SLC5A8: variants seen among roughly 807,000 people sequenced by gnomAD.
SLC5A8 encodes the protein solute carrier family 5 member 8, also known as sodium-coupled monocarboxylate transporter 1.
Under a neutral mutation model 71.9 loss-of-function variants are expected in SLC5A8, and 55 were observed. The ratio of observed to expected loss-of-function variants is 0.77; its 90% CI spans 0.62 to 0.96. The LOEUF is 0.96. SLC5A8 is among the 40% of genes least tolerant of loss of function. SLC5A8 has a pLI of 0.00. For synonymous variants in SLC5A8, 307 were observed against 276.1 expected (o/e 1.11, Z -1.11); for missense variants, 701 against 745.3 (o/e 0.94, Z 0.69).
At chr12:101,160,197 A>G (rs2051711580) in intron 13 of SLC5A8, among the ~76,000 whole-genome samples, 1 of 152,146 alleles carries the variant, frequency 6.6e-6, no homozygotes, top group Non-Finnish European at 1.5e-5. Flanking sequence ...CAACAACAAC[A>G]ACAACAAAAA....
intron 3 of SLC5A8, 74 bp downstream of exon 3, chr12:101,202,090 C>T (rs1869479697): frequency 7.0e-7 from 1 of 1,427,886 alleles, no homozygotes. Context: ...CCCCATCTCC[C>T]CAAGGAGAAA....
chr12:101,183,020 C>T, intron 8 of SLC5A8, 105 bp from the exon 9 acceptor site: 2 of 337,474 alleles, frequency 5.9e-6, no homozygotes, highest in South Asian at 6.4e-5. Flanking sequence ...AAAATATAAC[C>T]TGATTTCTAC....
intron 11 of SLC5A8, among the ~76,000 whole-genome samples, chr12:101,167,611 T>C (rs2051785795): frequency 6.6e-6 from 1 of 152,182 alleles, no homozygotes; most frequent in South Asian, 2.1e-4. Flanking sequence ...CCAATTATGA[T>C]CACCCCTTTG....
intron 10 of SLC5A8, among the ~76,000 whole-genome samples, chr12:101,171,650 C>T (rs969148409): frequency 3.3e-5 from 5 of 152,082 alleles, no homozygotes; most frequent in Non-Finnish European, 5.9e-5. Flanking sequence ...GGGGCAGACT[C>T]GCCAATGATG....
chr12:101,183,310 GC>G (rs1593373367), intron 8 of SLC5A8, among the ~76,000 whole-genome samples: 1 of 152,114 alleles, frequency 6.6e-6, no homozygotes, highest in Non-Finnish European at 1.5e-5. Flanking sequence ...CTCCCAAAGT[GC>G]TGGGATTACA....
intron 10 of SLC5A8, among the ~76,000 whole-genome samples, chr12:101,172,083 A>G (rs902621045): frequency 6.6e-6 from 1 of 152,156 alleles, no homozygotes; most frequent in Non-Finnish European, 1.5e-5. Flanking sequence ...TCAAAGATCC[A>G]AAATCGTGAT....
Position 101,205,926 on chromosome 12 carries a change from G to A in SLC5A8, c.352-1361C>T, listed in dbSNP as rs146031654. Among the ~76,000 whole-genome samples the A allele has an allele frequency of 6.6e-3, 1,008 of 152,262 alleles. 13 individuals are homozygous for A. Among genetic ancestry groups the A allele is most frequent in the African/African-American group, 0.022 (934 of 41,540 alleles). On this transcript the variant is annotated intron_variant, in intron 1 of 14. Transcript: ENST00000536262. ...AGACCTCACTCCCAGATCACTGATC[G>A]GTGACAAAAATACACAGTGCCTTGT...
chr12:101,167,351 C>T (rs1439000262), intron 11 of SLC5A8, among the ~76,000 whole-genome samples: 1 of 152,136 alleles, frequency 6.6e-6, no homozygotes, highest in Non-Finnish European at 1.5e-5. Context: ...ATTCCTAATG[C>T]CTTATAAGGA....
rs147516078 is a variant in SLC5A8, at chr12:101,156,596, TA to T, written c.*682del. On this transcript the variant is annotated 3_prime_UTR_variant, in exon 15 of 15. Coordinates refer to ENST00000536262, the MANE Select transcript of SLC5A8 (RefSeq NM_145913.5). ...AAAAATTACAGTCTAAGAAAGGCAG[TA>T]TCAGCAGCCAAAGCCCAGAAACTCT... The T allele has an allele frequency of 2.0e-4, 30 of 152,294 alleles. No individual in the cohort carries two copies. In the East Asian group the frequency reaches 5.6e-3, roughly 28 times the overall value. The allele number at this position is 152,294 out of a possible 1,614,324, so 9.4% of individuals were successfully genotyped here.
chr12:101,168,646 A>G (rs997274796), intron 10 of SLC5A8, among the ~76,000 whole-genome samples: 1 of 152,234 alleles, frequency 6.6e-6, no homozygotes, highest in African/African-American at 2.4e-5. Context: ...TAAGGATGAA[A>G]CTAGAATGAG....
In SLC5A8 at chr12:101,202,106, G is replaced by T. The variant is rs185239186; in HGVS notation, c.469+58C>A. Reference sequence around the variant, plus strand: ...CCCATCTCCCCAAGGAGAAAATAAGGCTTGTTGAAAGTGAACCCCAAAATG... The same window carrying T: ...CCCATCTCCCCAAGGAGAAAATAAGTCTTGTTGAAAGTGAACCCCAAAATG... On this transcript the variant is annotated intron_variant, in intron 3 of 14. Transcript: ENST00000536262. 80 of 1,513,696 alleles carry T rather than the reference G, an allele frequency of 5.3e-5. 1 individual carries two copies. The highest frequency in any genetic ancestry group is 2.1e-4 in the South Asian group (18 of 87,606). 93.8% of individuals were successfully genotyped at this position (1,513,696 alleles called of 1,614,324 possible). A position where few individuals can be genotyped will look rare whatever the true frequency, so the allele number is the denominator to read the frequency against.
In SLC5A8 at chr12:101,184,205, T is replaced by C; in HGVS notation, c.981A>G (p.Val327=). The change falls in exon 8 of 15, where the codon GTA becomes GTG. Residue 327 remains valine, a synonymous_variant. Transcript: ENST00000536262. ...SAPDQLMPYL[V]LDILQDYPGL... is the part of the protein sequence containing the mutation. ...CTGGATAATCTTGCAGAATGTCCAG[T>C]ACCAAATAAGGCATGAGCTGAAAAA... is the stretch of plus-strand genomic sequence containing the variant. 1 of 1,614,152 alleles carries C rather than the reference T, an allele frequency of 6.2e-7. No homozygotes were observed. The highest frequency in any genetic ancestry group is 8.5e-7 in the Non-Finnish European group (1 of 1,180,004).
intron 3 of SLC5A8, among the ~76,000 whole-genome samples, chr12:101,200,321 T>C (rs1197520179): frequency 2.0e-5 from 3 of 152,032 alleles, no homozygotes; most frequent in Non-Finnish European, 4.4e-5. Flanking sequence ...ACACAAGCTA[T>C]TAGGCAACTA....
chr12:101,182,879 T>C lies in SLC5A8; in HGVS notation c.1089A>G (p.Val363=). ...AAGGTTTGATTAGATCTTCCACAGT[T>C]ACTGCTGCTAAGGCATTAATACTGG... ...VSSSINALAA[V]TVEDLIKPYF... Residue 363 remains valine, a synonymous_variant, in exon 9 of 15, where the codon GTA becomes GTG. Transcript: ENST00000536262. The C allele has an allele frequency of 6.3e-7, 1 of 1,593,642 alleles. No individual in the cohort carries two copies. The highest frequency in any genetic ancestry group is 8.5e-7 in the Non-Finnish European group (1 of 1,172,762).
chr12:101,185,413 G>C (rs772289008), intron 7 of SLC5A8, among the ~76,000 whole-genome samples: 1 of 152,072 alleles, frequency 6.6e-6, no homozygotes, highest in Admixed American at 6.5e-5. Flanking sequence ...TAATTATTTC[G>C]TATCTGAGTG....
chr12:101,208,017 C>T (rs1413758125), intron 1 of SLC5A8, among the ~76,000 whole-genome samples: 2 of 151,952 alleles, frequency 1.3e-5, no homozygotes, highest in Non-Finnish European at 2.9e-5. Context: ...GGAGCATGGG[C>T]CCAGTGTTAC....
At chr12:101,158,951 C>CAAA (rs34838052) in intron 13 of SLC5A8, among the ~76,000 whole-genome samples, 2,093 of 116,638 alleles carry the variant, frequency 0.018, 23 homozygotes, top group South Asian at 0.029. Context: ...GTTTTCTTTA[C>CAAA]AAAAAAAAAA....
At chr12:101,161,179 G>A (rs1212778406) in intron 13 of SLC5A8, among the ~76,000 whole-genome samples, 2 of 144,126 alleles carry the variant, frequency 1.4e-5, no homozygotes, top group African/African-American at 5.0e-5. Context: ...GCATAAGATA[G>A]ATTAAATAAT....
chr12:101,195,036 A>G (rs542430887), intron 4 of SLC5A8, 59 bp downstream of exon 4: 2 of 1,567,638 alleles, frequency 1.3e-6, no homozygotes, highest in East Asian at 2.2e-5. Flanking sequence ...AACAACTGGA[A>G]TTTTCAATTT....
Sources: allele counts gnomAD v4.1 joint callset (sites outside exome capture counted in the v4.1 genomes callset), GRCh38; gene constraint gnomAD v4.1.1; transcripts MANE v1.5; gene names NCBI Gene and HGNC (gene_info 2026-07-23, HGNC 2026-07-21).